Variants in PCDHGA10 observed in about 807,000 individuals in gnomAD.
PCDHGA10 encodes protocadherin gamma-A10.
PCDHGA10 carries 42 observed loss-of-function variants against 59.5 expected under a neutral mutation model. The observed-to-expected ratio is 0.71, with a 90% CI of 0.55 to 0.91. PCDHGA10 has a LOEUF of 0.91. Ranked by LOEUF, PCDHGA10 falls within the 40% of genes least tolerant of loss-of-function variation. The probability of loss-of-function intolerance (pLI) is 0.00; values close to 1 mark genes in which losing one functional copy is unlikely to be tolerated. For missense variants in PCDHGA10, 1,111 were observed against 1,198.2 expected (o/e 0.93, Z 1.07); for synonymous variants, 511 against 517.2 (o/e 0.99, Z 0.16).
chr5:141,489,148 C>G lies in PCDHGA10; in HGVS notation c.2437-5659C>G. 1 of 895,318 alleles carries G rather than the reference C, an allele frequency of 1.1e-6. No individual in the cohort carries two copies. Among genetic ancestry groups the G allele is most frequent in the Non-Finnish European group, 1.7e-6 (1 of 589,254 alleles). The allele number at this position is 895,318 out of a possible 1,614,324, so 55.5% of individuals were successfully genotyped here. A position where few individuals can be genotyped will look rare whatever the true frequency, so the allele number is the denominator to read the frequency against. ...CAGTTTTTAAGAGGCTGGAAGGAGA[C>G]ATAAGAGACTTCAGCTGCTGCATTC... On this transcript the variant is annotated intron_variant, in intron 1 of 3. Transcript: ENST00000398610. This position sits in a 1 kb window ranked among gnomAD's most constrained non-coding sequence, Gnocchi z 4.5.
At chr5:141,499,689 CTTTTTTTTTTT>C in intron 2 of PCDHGA10, among the ~76,000 whole-genome samples, 1 of 119,852 alleles carries the variant, frequency 8.3e-6, no homozygotes, top group Non-Finnish European at 1.7e-5. Context: ...TAACAGATGA[CTTTTTTTTTTT>C]TTTTTTTTTT....
chr5:141,447,235 G>T (rs1458489257), intron 1 of PCDHGA10, among the ~76,000 whole-genome samples: 1 of 152,084 alleles, frequency 6.6e-6, no homozygotes, highest in Non-Finnish European at 1.5e-5. Flanking sequence ...CGCCTCCCGG[G>T]TTCAAGTGAT....
intron 1 of PCDHGA10, among the ~76,000 whole-genome samples, chr5:141,457,822 C>A (rs1477393535): frequency 6.6e-6 from 1 of 152,178 alleles, no homozygotes; most frequent in Non-Finnish European, 1.5e-5. Context: ...AAGATAAACT[C>A]AGAGCTTCCA....
intron 3 of PCDHGA10, among the ~76,000 whole-genome samples, chr5:141,505,942 G>A (rs2099849309): frequency 6.6e-6 from 1 of 152,192 alleles, no homozygotes; most frequent in African/African-American, 2.4e-5. Flanking sequence ...AAGCCCTCAA[G>A]CAATGAAAGT....
intron 1 of PCDHGA10, among the ~76,000 whole-genome samples, chr5:141,482,899 T>C (rs1238389686): frequency 1.3e-5 from 2 of 152,076 alleles, no homozygotes; most frequent in Non-Finnish European, 2.9e-5. Context: ...TGGTGAAACC[T>C]CATCTCTATT....
At chr5:141,461,131 T>G (rs1372557827) in intron 1 of PCDHGA10, among the ~76,000 whole-genome samples, 1 of 152,094 alleles carries the variant, frequency 6.6e-6, no homozygotes, top group Non-Finnish European at 1.5e-5. Flanking sequence ...TATAATTACT[T>G]ATTTTCCTTT....
At chr5:141,419,261 G>C (rs758952830) in intron 1 of PCDHGA10, 16 of 1,613,982 alleles carry the variant, frequency 9.9e-6, no homozygotes, top group Non-Finnish European at 1.3e-5. Context: ...CAACCAGCCG[G>C]GTGCCTCCAT....
At chr5:141,425,021 CT>C (rs1561817318) in intron 1 of PCDHGA10, among the ~76,000 whole-genome samples, 1 of 152,054 alleles carries the variant, frequency 6.6e-6, no homozygotes, top group Non-Finnish European at 1.5e-5. Context: ...AGGAATTTAC[CT>C]TATGTCATTA....
In PCDHGA10 at chr5:141,423,089, G is replaced by C. The variant is rs201821221; in HGVS notation, c.2436+7478G>C. The stretch of plus-strand genomic sequence containing the variant: ...AGCGAGCCGGGACTCTTCGCGGTGG[G>C]GGAGCACACGGGCGAGGTGCGTACA... On this transcript the variant is annotated intron_variant, in intron 1 of 3. Transcript: ENST00000398610. 4.0e-5 allele frequency: 65 copies of C among 1,614,016 alleles called. No individual in the cohort carries two copies. In the African/African-American group the frequency reaches 7.2e-4, roughly 18 times the overall value.
chr5:141,427,782 T>G, intron 1 of PCDHGA10: 1 of 1,459,986 alleles, frequency 6.8e-7, no homozygotes, highest in Middle Eastern at 1.7e-4. Context: ...GCGGGCACTG[T>G]CGTCCTACGT....
chr5:141,486,399 C>G lies in PCDHGA10; in HGVS notation c.2437-8408C>G. On this transcript the variant is annotated intron_variant, in intron 1 of 3. Transcript: ENST00000398610. The surrounding 1 kb of genome is among the most constrained non-coding windows in gnomAD (Gnocchi z 5.0). ...TTCAGGAACCAGTTCTCCCTGGTGA[C>G]TGCTGGACCCTTGGATCGAGAGGCC... The G allele has an allele frequency of 6.2e-7, 1 of 1,614,188 alleles. No individual in the cohort carries two copies. The highest frequency in any genetic ancestry group is 1.1e-5 in the South Asian group (1 of 91,090).
At chr5:141,471,046 C>G (rs960750377) in intron 1 of PCDHGA10, among the ~76,000 whole-genome samples, 3 of 113,280 alleles carry the variant, frequency 2.6e-5, no homozygotes, top group African/African-American at 1.1e-4. Context: ...CCCAAGCCCT[C>G]TTTTTTTTTT....
chr5:141,453,926 T>C (rs1274875429), intron 1 of PCDHGA10, among the ~76,000 whole-genome samples: 1 of 152,256 alleles, frequency 6.6e-6, no homozygotes, highest in Non-Finnish European at 1.5e-5. Flanking sequence ...GATCAGTCAC[T>C]GTGTGCCTAT....
At chr5:141,437,460 T>C (rs2097886220) in intron 1 of PCDHGA10, among the ~76,000 whole-genome samples, 1 of 152,230 alleles carries the variant, frequency 6.6e-6, no homozygotes, top group South Asian at 2.1e-4. Flanking sequence ...GAGACTATAC[T>C]ATACTTTTAT....
chr5:141,448,956 C>A (rs2098619571), intron 1 of PCDHGA10, among the ~76,000 whole-genome samples: 1 of 151,948 alleles, frequency 6.6e-6, no homozygotes, highest in Non-Finnish European at 1.5e-5. Context: ...AAAAAACAAA[C>A]AAACAAACAA....
At chr5:141,447,675 C>T (rs1416110491) in intron 1 of PCDHGA10, among the ~76,000 whole-genome samples, 13 of 152,064 alleles carry the variant, frequency 8.5e-5, no homozygotes, top group Admixed American at 8.5e-4. Context: ...TAGAACTGTT[C>T]CATATCTTGA....
chr5:141,419,746 G>A (rs1561783927), intron 1 of PCDHGA10: 2 of 1,613,896 alleles, frequency 1.2e-6, no homozygotes, highest in Admixed American at 1.7e-5. Context: ...TGCGCATGGT[G>A]CGTGCTTTGG....
rs547284271 is a variant in PCDHGA10 at position 141,489,064 on chromosome 5, C to G, written c.2437-5743C>G. On this transcript the variant is annotated intron_variant, in intron 1 of 3. Coordinates refer to ENST00000398610, the MANE Select transcript of PCDHGA10 (RefSeq NM_018913.3). This position sits in a 1 kb window ranked among gnomAD's most constrained non-coding sequence, Gnocchi z 4.5. ...TCCACTCAAATTCAGCTCCCCTCCC[C>G]CCTGCCCACCCCCGCCACTCGGTGA... 1.9e-4 allele frequency: 74 copies of G among 387,742 alleles called. No homozygotes were observed. The highest frequency in any genetic ancestry group is 1.5e-3 in the African/African-American group (70 of 47,296). The allele number at this position is 387,742 out of a possible 1,614,324, so 24.0% of individuals were successfully genotyped here. A position where few individuals can be genotyped will look rare whatever the true frequency, so the allele number is the denominator to read the frequency against.
At chr5:141,418,072 G>A in intron 1 of PCDHGA10, 1 of 1,614,058 alleles carries the variant, frequency 6.2e-7, no homozygotes, top group Non-Finnish European at 8.5e-7. Context: ...TGAGCGCGGA[G>A]AAGCTGCACT....
Sources: gnomAD v4.1 joint callset for allele counts (sites outside exome capture counted in the v4.1 genomes callset) on GRCh38, gnomAD v4.1.1 for gene constraint, Gnocchi (gnomAD v3.1) non-coding constraint, MANE v1.5 for transcripts, NCBI Gene and HGNC (gene_info 2026-07-23, HGNC 2026-07-21) for gene names.